Variants in PRR36 observed in about 807,000 individuals in gnomAD.
PRR36 encodes the protein proline rich 36, also known as proline-rich protein 36.
PRR36 carries 30 observed loss-of-function variants against 58.6 expected under a neutral mutation model. The ratio of observed to expected loss-of-function variants is 0.51; its 90% CI spans 0.38 to 0.69. The LOEUF (loss-of-function observed/expected upper bound fraction) is 0.69. Among genes scored for constraint, PRR36 ranks in the 30% least tolerant of loss-of-function variants. The pLI, the probability that PRR36 is intolerant of heterozygous loss-of-function variation, is 0.00. For missense variants in PRR36, 1,692 were observed against 1,805.6 expected, an observed-to-expected ratio of 0.94 and a Z score of 1.14; for synonymous variants, 771 against 829.3, an observed-to-expected ratio of 0.93 and a Z score of 1.21.
rs1219507555 is a variant in PRR36 at position 7,873,609 on chromosome 19, G to A, written c.81C>T (p.Pro27=). ...PAARAPGLLT[P]RPPGSPRPPP... ...GGGGTCGAGGAGAGCCTGGGGGCCTGGGGGTCAGAAGTCCAGGAGCGCGAG... is the reference window on the plus strand; with the variant it reads ...GGGGTCGAGGAGAGCCTGGGGGCCTAGGGGTCAGAAGTCCAGGAGCGCGAG... The change falls in exon 2 of 6, where the codon CCC becomes CCT. Residue 27 remains proline, a synonymous_variant. Coordinates refer to ENST00000618550, the MANE Select transcript of PRR36 (RefSeq NM_001190467.2). The surrounding 1 kb of genome is among the most constrained non-coding windows in gnomAD (Gnocchi z 5.0). 2 of 1,534,930 alleles carry A rather than the reference G, an allele frequency of 1.3e-6. No individual in the cohort carries two copies. Among genetic ancestry groups the A allele is most frequent in the Non-Finnish European group, 1.7e-6 (2 of 1,146,636 alleles).
At chr19:7,869,574 G>A (rs1483039633) in intron 5 of PRR36, 30 bp from the exon 6 acceptor site, 2 of 1,512,520 alleles carry the variant, frequency 1.3e-6, no homozygotes, top group East Asian at 2.7e-5. Flanking sequence ...GTGGGCCGTG[G>A]GGGTGATAAG....
In PRR36 at chr19:7,871,821, C is replaced by T. The variant is rs2145069919; in HGVS notation, c.1423G>A (p.Gly475Arg). 2 of 1,535,498 alleles carry T rather than the reference C, an allele frequency of 1.3e-6. No homozygotes were observed. Among genetic ancestry groups the T allele is most frequent in the Non-Finnish European group, 1.7e-6 (2 of 1,146,774 alleles). The change falls in exon 5 of 6, where the codon GGG becomes AGG. Residue 475 changes from glycine (G) to arginine (R), a missense_variant. By Grantham distance (125) the Gly-to-Arg change is moderately radical. This residue lies in a region of PRR36 where 975 missense variants were observed against 955.2 expected (regional missense o/e 1.02). Coordinates refer to ENST00000618550, the MANE Select transcript of PRR36 (RefSeq NM_001190467.2). ...GCGGCCAGGGGAAAAGCCGAATTCC[C>T]CAGAGATGTTGCCGGAGAAACAGGG... ...QGPVSPATSL[G>R]NSAFPLAALP...
At position 7,870,092 on chromosome 19, in the gene PRR36, G is replaced by T; in HGVS notation, c.3152C>A (p.Pro1051Gln). ...LPMSPLATPPPQAPPVLAAPL... is the reference protein window; with the variant it reads ...LPMSPLATPPQQAPPVLAAPL... Reference sequence around the variant, plus strand: ...CGCTGCCAGAACAGGTGGGGCCTGTGGAGGAGGCGTGGCCAAAGGAGACAT... The same window carrying T: ...CGCTGCCAGAACAGGTGGGGCCTGTTGAGGAGGCGTGGCCAAAGGAGACAT... Residue 1051 changes from proline to glutamine, a missense_variant, in exon 5 of 6, where the codon CCA becomes CAA. Around this residue, in one of 5 missense-constraint regions of PRR36, gnomAD observed 485 missense variants for 549.2 expected, o/e 0.88. Transcript: ENST00000618550. 6.7e-7 allele frequency: 1 copy of T among 1,497,092 alleles called. No individual in the cohort carries two copies. The highest frequency in any genetic ancestry group is 8.9e-7 in the Non-Finnish European group (1 of 1,129,614). The allele number at this position is 1,497,092 out of a possible 1,614,324, so 92.7% of individuals were successfully genotyped here.
In PRR36 at chr19:7,869,425, G is replaced by A. The variant is rs1261437251; in HGVS notation, c.3649C>T (p.Pro1217Ser). The change falls in exon 6 of 6, where the codon CCC becomes TCC. Residue 1217 changes from proline (P) to serine (S), a missense_variant. Coordinates refer to ENST00000618550, the MANE Select transcript of PRR36 (RefSeq NM_001190467.2). ...TPAPGALDPG[P>S]SPGTSGGKAA... The stretch of plus-strand genomic sequence containing the variant: ...TTCCCACCGCTCGTGCCGGGACTGG[G>A]CCCCGGATCCAGTGCGCCAGGGGCG... 2.4e-5 allele frequency: 36 copies of A among 1,499,124 alleles called. No individual in the cohort carries two copies. The highest frequency in any genetic ancestry group is 2.4e-5 in the Non-Finnish European group (27 of 1,131,834). 92.9% of individuals were successfully genotyped at this position (1,499,124 alleles called of 1,614,324 possible).
Position 7,872,306 on chromosome 19 carries a change from T to C in PRR36, c.938A>G (p.Lys313Arg). Residue 313 changes from lysine to arginine, a missense_variant, in exon 5 of 6, where the codon AAG (lysine) becomes AGG (arginine). Lys to Arg is a conservative substitution (Grantham distance 26). Around this residue, in one of 5 missense-constraint regions of PRR36, gnomAD observed 975 missense variants for 955.2 expected, o/e 1.02. Coordinates refer to ENST00000618550, the MANE Select transcript of PRR36 (RefSeq NM_001190467.2). The surrounding 1 kb of genome is among the most constrained non-coding windows in gnomAD (Gnocchi z 6.1). The stretch of plus-strand genomic sequence containing the variant: ...GTCGGGAGGCGGTACGGGTCTTGCC[T>C]TGGTACCCGATGGAGAGGGTGTGGC... ...PLATPSPSGT[K>R]ARPVPPPDNA... 2 of 1,454,550 alleles carry C rather than the reference T, an allele frequency of 1.4e-6. No individual in the cohort carries two copies. The highest frequency in any genetic ancestry group is 1.8e-6 in the Non-Finnish European group (2 of 1,109,898). 90.1% of individuals were successfully genotyped at this position (1,454,550 alleles called of 1,614,324 possible).
Position 7,870,204 on chromosome 19 carries a change from G to C in PRR36, c.3040C>G (p.Leu1014Val), listed in dbSNP as rs1477894017. Residue 1014 changes from leucine to valine, a missense_variant, in exon 5 of 6, where the codon CTG becomes GTG. This residue lies in a region of PRR36 where 485 missense variants were observed against 549.2 expected (regional missense o/e 0.88). Transcript: ENST00000618550. ...AGGGCCTGCAGAGGAGGTGTGGCCAGAGCAGGTGGGGCCTGTGGAGGGGGC... is the reference window on the plus strand; with the variant it reads ...AGGGCCTGCAGAGGAGGTGTGGCCACAGCAGGTGGGGCCTGTGGAGGGGGC... ...AKPPPQAPPA[L>V]ATPPLQALPS... 7.0e-7 allele frequency: 1 copy of C among 1,429,392 alleles called. No individual in the cohort carries two copies. The highest frequency in any genetic ancestry group is 9.1e-7 in the Non-Finnish European group (1 of 1,097,050). The allele number at this position is 1,429,392 out of a possible 1,614,324, so 88.5% of individuals were successfully genotyped here.
Position 7,869,285 on chromosome 19 carries a change from C to G in PRR36, c.3789G>C (p.Arg1263=). Residue 1263 remains arginine, a synonymous_variant, in exon 6 of 6, where the codon CGG becomes CGC. Transcript: ENST00000618550. ...CCTCGGCAGCCGCCAGCAGCAGCGT[C>G]CGGCTCAGCAGGTGCTGCACGACGC... ...QASVVQHLLS[R]TLLLAAAEGA... The G allele has an allele frequency of 6.9e-7, 1 of 1,456,512 alleles. No homozygotes were observed. The highest frequency in any genetic ancestry group is 9.0e-7 in the Non-Finnish European group (1 of 1,115,976). 90.2% of individuals were successfully genotyped at this position (1,456,512 alleles called of 1,614,324 possible).
In PRR36 at chr19:7,869,847, G is replaced by A; in HGVS notation, c.3397C>T (p.Leu1133=). Residue 1133 remains leucine, a synonymous_variant, in exon 5 of 6, where the codon CTG becomes TTG. Coordinates refer to ENST00000618550, the MANE Select transcript of PRR36 (RefSeq NM_001190467.2). ...TCGGGCCCGCTGTCGTAGCCACGCAGCTCCTCTGGCGTGCTCGTGGCGCTG... is the reference window on the plus strand; with the variant it reads ...TCGGGCCCGCTGTCGTAGCCACGCAACTCCTCTGGCGTGCTCGTGGCGCTG... The part of the protein sequence containing the change: ...SSSATSTPEE[L]RGYDSGPEGG... The A allele has an allele frequency of 3.7e-6, 5 of 1,348,858 alleles. No individual in the cohort carries two copies. The highest frequency in any genetic ancestry group is 4.7e-6 in the Non-Finnish European group (5 of 1,057,142). 83.6% of individuals were successfully genotyped at this position (1,348,858 alleles called of 1,614,324 possible).
Position 7,870,072 on chromosome 19 carries a change from C to A in PRR36, c.3172G>T (p.Ala1058Ser). Reference sequence around the variant, plus strand: ...GGAGGGACCTGCAGAAGGGGCGCTGCCAGAACAGGTGGGGCCTGTGGAGGA... The same window carrying A: ...GGAGGGACCTGCAGAAGGGGCGCTGACAGAACAGGTGGGGCCTGTGGAGGA... ...TPPPQAPPVL[A>S]APLLQVPPSP... Residue 1058 changes from alanine (A) to serine (S), a missense_variant, in exon 5 of 6, where the codon GCA becomes TCA. This residue lies in a region of PRR36 where 485 missense variants were observed against 549.2 expected (regional missense o/e 0.88). Coordinates refer to ENST00000618550, the MANE Select transcript of PRR36 (RefSeq NM_001190467.2). The A allele has an allele frequency of 6.8e-7, 1 of 1,480,296 alleles. No homozygotes were observed. Among genetic ancestry groups the A allele is most frequent in the South Asian group, 1.3e-5 (1 of 77,800 alleles). 91.7% of individuals were successfully genotyped at this position (1,480,296 alleles called of 1,614,324 possible). A position where few individuals can be genotyped will look rare whatever the true frequency, so the allele number is the denominator to read the frequency against.
Position 7,870,041 on chromosome 19 carries a change from G to C in PRR36, c.3203C>G (p.Pro1068Arg). Residue 1068 changes from proline to arginine, a missense_variant, in exon 5 of 6, where the codon CCC becomes CGC. Transcript: ENST00000618550. Reference sequence around the variant, plus strand: ...GGCCTGCAGGGTGGGTGAGGCAGGGGGAGAGGGAGGGACCTGCAGAAGGGG... The same window carrying C: ...GGCCTGCAGGGTGGGTGAGGCAGGGCGAGAGGGAGGGACCTGCAGAAGGGG... Reference protein sequence around the residue: ...AAPLLQVPPSPPASPTLQAPR... With the variant: ...AAPLLQVPPSRPASPTLQAPR... 1.4e-6 allele frequency: 2 copies of C among 1,459,934 alleles called. No homozygotes were observed. The highest frequency in any genetic ancestry group is 2.0e-4 in the Middle Eastern group (1 of 5,084). 90.4% of individuals were successfully genotyped at this position (1,459,934 alleles called of 1,614,324 possible). A position where few individuals can be genotyped will look rare whatever the true frequency, so the allele number is the denominator to read the frequency against.
At position 7,873,714 on chromosome 19, in the gene PRR36, T is replaced by G; in HGVS notation, c.-7-18A>C. On this transcript the variant is annotated intron_variant, in intron 1 of 5. Coordinates refer to ENST00000618550, the MANE Select transcript of PRR36 (RefSeq NM_001190467.2). The surrounding 1 kb of genome is among the most constrained non-coding windows in gnomAD (Gnocchi z 5.0). ...TCTTGCACCTGAAGAGACAAACCGG[T>G]CCGCATCCCAGGTTCTGGACAGCTA... 6.5e-7 allele frequency: 1 copy of G among 1,530,752 alleles called. No homozygotes were observed. The highest frequency in any genetic ancestry group is 1.2e-5 in the South Asian group (1 of 83,758). The allele number at this position is 1,530,752 out of a possible 1,614,324, so 94.8% of individuals were successfully genotyped here. A position where few individuals can be genotyped will look rare whatever the true frequency, so the allele number is the denominator to read the frequency against.
Position 7,869,515 on chromosome 19 carries a change from C to G in PRR36, c.3559G>C (p.Gly1187Arg). ...CACAGACCGTCAGCAGAGCCCGGTC[C>G]GGTAGCGGGAGGCCACGGCAGGGGC... ...GAPLPWPPAT[G>R]PGSADGLCTI... The change falls in exon 6 of 6, where the codon GGA (glycine) becomes CGA (arginine). Residue 1187 changes from glycine (G) to arginine (R), a missense_variant. Transcript: ENST00000618550. 1.3e-6 allele frequency: 2 copies of G among 1,519,494 alleles called. No homozygotes were observed. Among genetic ancestry groups the G allele is most frequent in the Non-Finnish European group, 1.8e-6 (2 of 1,139,768 alleles). 94.1% of individuals were successfully genotyped at this position (1,519,494 alleles called of 1,614,324 possible).
rs1294093241 is a variant in PRR36, at chr19:7,873,888, C to T, written c.-7-192G>A. 1.3e-5 allele frequency among the ~76,000 whole-genome samples: 2 copies of T among 152,114 alleles called. No individual in the cohort carries two copies. Among genetic ancestry groups the T allele is most frequent in the Non-Finnish European group, 2.9e-5 (2 of 68,012 alleles). On this transcript the variant is annotated intron_variant, in intron 1 of 5. Coordinates refer to ENST00000618550, the MANE Select transcript of PRR36 (RefSeq NM_001190467.2). This position sits in a 1 kb window ranked among gnomAD's most constrained non-coding sequence, Gnocchi z 5.0. Reference sequence around the variant, plus strand: ...CCAGCCCCACTGCTCCTCGCTGTCCCCAAGTCCCACCCCCCACCGCTTTTC... The same window carrying T: ...CCAGCCCCACTGCTCCTCGCTGTCCTCAAGTCCCACCCCCCACCGCTTTTC...
chr19:7,871,199 G>A lies in PRR36; in HGVS notation c.2045C>T (p.Pro682Leu). ...CGCCTGCAGAGGGTGTATGGTCAGG[G>A]GTGAGCTTAGGGGTGAGACAGCAGG... The part of the protein sequence containing the change: ...LSPAVSPLSS[P>L]LTIHPLQALS... The change falls in exon 5 of 6, where the codon CCC becomes CTC. Residue 682 changes from proline (P) to leucine (L), a missense_variant. Coordinates refer to ENST00000618550, the MANE Select transcript of PRR36 (RefSeq NM_001190467.2). The A allele has an allele frequency of 1.3e-6, 2 of 1,534,588 alleles. No individual in the cohort carries two copies. Among genetic ancestry groups the A allele is most frequent in the South Asian group, 2.4e-5 (2 of 83,960 alleles).
chr19:7,870,577 G>A lies in PRR36; in HGVS notation c.2667C>T (p.Pro889=), dbSNP rs534386483. The A allele has an allele frequency of 3.4e-6, 4 of 1,177,474 alleles. No individual in the cohort carries two copies. The highest frequency in any genetic ancestry group is 3.9e-5 in the East Asian group (1 of 25,404). 72.9% of individuals were successfully genotyped at this position (1,177,474 alleles called of 1,614,324 possible). ...AVHLLQAPFS[P]PPSPPVQAPF... ...GGGCCTGCACTGGGGGTGAGGGAGG[G>A]GGAGAGAAAGGGGCCTGCAGAAGGT... Residue 889 remains proline (P), a synonymous_variant, in exon 5 of 6, where the codon CCC becomes CCT. Coordinates refer to ENST00000618550, the MANE Select transcript of PRR36 (RefSeq NM_001190467.2).
In PRR36 at chr19:7,869,110, C is replaced by G; in HGVS notation, c.3964G>C (p.Val1322Leu). The G allele has an allele frequency of 1.3e-6, 2 of 1,534,924 alleles. No homozygotes were observed. Among genetic ancestry groups the G allele is most frequent in the Non-Finnish European group, 1.7e-6 (2 of 1,146,508 alleles). ...ACGTCGTCCGGAGAGAAGCTGGTGACCGAGGTGATGCTGGCACGGGACTCG... is the reference window on the plus strand; with the variant it reads ...ACGTCGTCCGGAGAGAAGCTGGTGAGCGAGGTGATGCTGGCACGGGACTCG... ...LDESRASITSVTSFSPDDVAS... is the reference protein window; with the variant it reads ...LDESRASITSLTSFSPDDVAS... Residue 1322 changes from valine (V) to leucine (L), a missense_variant, in exon 6 of 6, where the codon GTC becomes CTC. Physicochemically the swap from Val to Leu is conservative, Grantham distance 32. Coordinates refer to ENST00000618550, the MANE Select transcript of PRR36 (RefSeq NM_001190467.2).
Position 7,873,757 on chromosome 19 carries a change from T to C in PRR36, c.-7-61A>G. ...GACAGCTACGCCGCCTCCAGAGACC[T>C]GGACCCTGCTACCTCACTGCCCTTT... On this transcript the variant is annotated intron_variant, in intron 1 of 5. Coordinates refer to ENST00000618550, the MANE Select transcript of PRR36 (RefSeq NM_001190467.2). The surrounding 1 kb of genome is among the most constrained non-coding windows in gnomAD (Gnocchi z 5.0). The C allele has an allele frequency of 1.4e-6, 2 of 1,461,116 alleles. No homozygotes were observed. Among genetic ancestry groups the C allele is most frequent in the Middle Eastern group, 2.2e-4 (1 of 4,494 alleles). The allele number at this position is 1,461,116 out of a possible 1,614,324, so 90.5% of individuals were successfully genotyped here.
rs2145072180 is a variant in PRR36, at chr19:7,872,893, G to A, written c.443C>T (p.Thr148Ile). The stretch of plus-strand genomic sequence containing the variant: ...GAGGGCACTCCTTTTGGGAGCCTCT[G>A]TAGCTTTTCCTCTGGCCACAGTTTC... ...AEETVARGKA[T>I]EAPKRSALSA... The change falls in exon 4 of 6, where the codon ACA becomes ATA. Residue 148 changes from threonine to isoleucine, a missense_variant. Thr to Ile is a moderately conservative substitution (Grantham distance 89). This residue lies in a region of PRR36 where 975 missense variants were observed against 955.2 expected (regional missense o/e 1.02). Transcript: ENST00000618550. This position sits in a 1 kb window ranked among gnomAD's most constrained non-coding sequence, Gnocchi z 6.1. The A allele has an allele frequency of 6.5e-7, 1 of 1,536,092 alleles. No homozygotes were observed. Among genetic ancestry groups the A allele is most frequent in the Non-Finnish European group, 8.7e-7 (1 of 1,146,878 alleles).
Position 7,870,825 on chromosome 19 carries a change from A to T in PRR36, c.2419T>A (p.Ser807Thr). Residue 807 changes from serine (S) to threonine (T), a missense_variant, in exon 5 of 6, where the codon TCT (serine) becomes ACT (threonine). Coordinates refer to ENST00000618550, the MANE Select transcript of PRR36 (RefSeq NM_001190467.2). Reference sequence around the variant, plus strand: ...TGTGGAGGAGGCGTGGCTATGGAAGAGGGCGTCTCCGGAGGGGGCGTGGTC... The same window carrying T: ...TGTGGAGGAGGCGTGGCTATGGAAGTGGGCGTCTCCGGAGGGGGCGTGGTC... ...PLTTPPPETP[S>T]SIATPPPQAP... 1 of 1,435,392 alleles carries T rather than the reference A, an allele frequency of 7.0e-7. No homozygotes were observed. The highest frequency in any genetic ancestry group is 1.5e-5 in the South Asian group (1 of 67,786). 88.9% of individuals were successfully genotyped at this position (1,435,392 alleles called of 1,614,324 possible).
Sources: gnomAD v4.1 joint callset for allele counts (sites outside exome capture counted in the v4.1 genomes callset) on GRCh38, gnomAD v4.1.1 for gene constraint, gnomAD v4.1.1 regional missense constraint, Gnocchi (gnomAD v3.1) non-coding constraint, MANE v1.5 for transcripts, NCBI Gene and HGNC (gene_info 2026-07-23, HGNC 2026-07-21) for gene names.